TAS2R1: variants seen among roughly 807,000 people sequenced by gnomAD.
TAS2R1 encodes the protein taste receptor type 2 member 1.
For synonymous variants in TAS2R1, 141 were observed against 134.2 expected (o/e 1.05, Z -0.35); for missense variants, 370 against 353.4 (o/e 1.05, Z -0.38).
rs141632173 is a variant in TAS2R1, at chr5:9,661,090, T to C, written c.-241-1509A>G. 4.6e-5 allele frequency among the ~76,000 whole-genome samples: 7 copies of C among 152,344 alleles called. No homozygotes were observed. The East Asian group carries it at 1.3e-3, about 29-fold the overall frequency. ...CTGGATTTAAAGAATTAGAAAATAA[T>C]AATTTTTTGTTGTTTTAACCTACTA... On this transcript the variant is annotated intron_variant, in intron 1 of 2. Coordinates refer to the TAS2R1 transcript ENST00000506620.
At chr5:9,788,669 C>A in the TAS2R1 span, among the ~76,000 whole-genome samples, 3 of 152,086 alleles carry the variant, frequency 2.0e-5, no homozygotes, top group Non-Finnish European at 4.4e-5. Flanking sequence ...TTTGTCTTGC[C>A]TTTCATCTCA....
chr5:9,692,665 C>A (rs1351412849), intron 1 of TAS2R1, among the ~76,000 whole-genome samples: 2 of 152,172 alleles, frequency 1.3e-5, no homozygotes, highest in Non-Finnish European at 2.9e-5. Flanking sequence ...AGGGCATTGT[C>A]TTCATGACAT....
At chr5:9,902,318 T>C in the TAS2R1 span, among the ~76,000 whole-genome samples, 5 of 152,172 alleles carry the variant, frequency 3.3e-5, no homozygotes, top group African/African-American at 1.2e-4. Context: ...AATGTTACTG[T>C]GCTTTTGGTT....
the TAS2R1 span, among the ~76,000 whole-genome samples, chr5:9,803,803 C>A: frequency 6.6e-6 from 1 of 152,106 alleles, no homozygotes; most frequent in Non-Finnish European, 1.5e-5. Context: ...AAGCATAAAT[C>A]TCACAGGACT....
At chr5:9,719,934 A>C in the TAS2R1 span, among the ~76,000 whole-genome samples, 29 of 130,502 alleles carry the variant, frequency 2.2e-4, no homozygotes, top group East Asian at 2.3e-3. Flanking sequence ...AAAAAAAAAA[A>C]AAAACAAAAA....
chr5:9,791,058 G>A, the TAS2R1 span, among the ~76,000 whole-genome samples: 4 of 152,140 alleles, frequency 2.6e-5, no homozygotes, highest in South Asian at 4.1e-4. Context: ...GAAAAATCTT[G>A]AGCCCCAACC....
chr5:9,707,638 G>A (rs948726199), intron 1 of TAS2R1, among the ~76,000 whole-genome samples: 5 of 152,008 alleles, frequency 3.3e-5, no homozygotes, highest in African/African-American at 4.8e-5. Context: ...AGCTGACATC[G>A]CACCACTGCA....
the TAS2R1 span, among the ~76,000 whole-genome samples, chr5:9,802,884 CA>C: frequency 3.3e-5 from 5 of 152,182 alleles, no homozygotes; most frequent in East Asian, 5.8e-4. Flanking sequence ...GCCTGGGCAA[CA>C]CAGCGAGACT....
At chr5:9,850,568 T>G in the TAS2R1 span, among the ~76,000 whole-genome samples, 76 of 152,316 alleles carry the variant, frequency 5.0e-4, no homozygotes, top group African/African-American at 1.7e-3. Context: ...CAGGCACTGT[T>G]GCCAAACAGA....
At chr5:9,789,308 C>T in the TAS2R1 span, among the ~76,000 whole-genome samples, 1 of 152,138 alleles carries the variant, frequency 6.6e-6, no homozygotes, top group South Asian at 2.1e-4. Context: ...TGCTTTAAAC[C>T]TGGCACAATT....
chr5:9,659,852 A>G (rs1000971849), intron 1 of TAS2R1: 1 of 152,060 alleles, frequency 6.6e-6, no homozygotes, highest in Non-Finnish European at 1.5e-5. Context: ...ATGGTGGGGA[A>G]ATACTTCACT....
At chr5:9,707,090 T>G (rs1027673777) in intron 1 of TAS2R1, among the ~76,000 whole-genome samples, 2 of 152,098 alleles carry the variant, frequency 1.3e-5, no homozygotes, top group African/African-American at 4.8e-5. Context: ...AGGTTCTTAT[T>G]TCTAACAGCA....
At chr5:9,867,090 G>A in the TAS2R1 span, 1 of 152,214 alleles carries the variant, frequency 6.6e-6, no homozygotes, top group Non-Finnish European at 1.5e-5. Context: ...GAAAAGGACT[G>A]ACTGCTGACA....
intron 1 of TAS2R1, among the ~76,000 whole-genome samples, chr5:9,695,972 T>C (rs1741347597): frequency 6.6e-6 from 1 of 152,196 alleles, no homozygotes; most frequent in Admixed American, 6.5e-5. Context: ...ATATGGTGGA[T>C]GAATTCAAGT....
chr5:9,750,378 C>T, the TAS2R1 span, among the ~76,000 whole-genome samples: 1,595 of 152,234 alleles, frequency 0.01, 26 homozygotes, highest in African/African-American at 0.037. Flanking sequence ...CAGCCTAGTC[C>T]CTTTAGTAAA....
chr5:9,848,370 T>C, the TAS2R1 span, among the ~76,000 whole-genome samples: 2 of 152,168 alleles, frequency 1.3e-5, no homozygotes, highest in African/African-American at 4.8e-5. Flanking sequence ...GCATCCAAAT[T>C]GTAAGCATCT....
the TAS2R1 span, among the ~76,000 whole-genome samples, chr5:9,788,478 T>A: frequency 6.6e-6 from 1 of 152,138 alleles, no homozygotes; most frequent in African/African-American, 2.4e-5. Context: ...ACTCACCACC[T>A]CTGGGCAATC....
rs34248017 is a variant in TAS2R1 at position 9,701,221 on chromosome 5, GACACACACACACACACACACACACACAC to G, written c.-242+10923_-242+10950del. Reference sequence around the variant, plus strand: ...TCATTAGCAACATGGCAGACACGCAGACACACACACACACACACACACACACACACACACACACACACACACACACACA... The same window carrying G: ...TCATTAGCAACATGGCAGACACGCAGACACACACACACACACACACACACA... On this transcript the variant is annotated intron_variant, in intron 1 of 2. Coordinates refer to the TAS2R1 transcript ENST00000506620. Among the ~76,000 whole-genome samples, 8 of 135,954 alleles carry G rather than the reference GACACACACACACACACACACACACACAC, an allele frequency of 5.9e-5. No individual in the cohort carries two copies. The East Asian group carries it at 9.1e-4, about 15-fold the overall frequency. 89.2% of individuals were successfully genotyped at this position (135,954 alleles called of 152,430 possible).
At chr5:9,869,657 T>A in the TAS2R1 span, among the ~76,000 whole-genome samples, 1 of 152,226 alleles carries the variant, frequency 6.6e-6, no homozygotes, top group Non-Finnish European at 1.5e-5. Flanking sequence ...AGATGTATTA[T>A]CATAATTCAT....
Sources: allele counts gnomAD v4.1 joint callset (sites outside exome capture counted in the v4.1 genomes callset), GRCh38; gene constraint gnomAD v4.1.1; transcripts MANE v1.5; gene names NCBI Gene and HGNC (gene_info 2026-07-23, HGNC 2026-07-21).